Variants in ZKSCAN1 observed in about 807,000 individuals in gnomAD.
The protein encoded by ZKSCAN1 is zinc finger with KRAB and SCAN domains 1, also known as zinc finger protein with KRAB and SCAN domains 1.
A neutral mutation model predicts 51.6 loss-of-function variants in ZKSCAN1; 14 were observed. The observed-to-expected ratio is 0.27, with a 90% confidence interval of 0.18 to 0.42. The LOEUF (loss-of-function observed/expected upper bound fraction) is 0.42. ZKSCAN1 is among the 10% of genes least tolerant of loss of function. The probability of loss-of-function intolerance (pLI) is 1.00; values close to 1 mark genes in which losing one functional copy is unlikely to be tolerated. For synonymous variants in ZKSCAN1, 263 were observed against 261.5 expected, an observed-to-expected ratio of 1.01 and a Z score of -0.06; for missense variants, 531 against 710.0, an observed-to-expected ratio of 0.75 and a Z score of 2.86.
chr7:100,034,351 C>T lies in ZKSCAN1; in HGVS notation c.*154C>T, dbSNP rs1024128522. The T allele has an allele frequency of 3.6e-6, 5 of 1,399,508 alleles. No homozygotes were observed. Among genetic ancestry groups the T allele is most frequent in the Non-Finnish European group, 4.6e-6 (5 of 1,085,756 alleles). The allele number at this position is 1,399,508 out of a possible 1,614,324, so 86.7% of individuals were successfully genotyped here. On this transcript the variant is annotated 3_prime_UTR_variant, in exon 6 of 6. Transcript: ENST00000324306. ...TTCTAGTCACATCAGCAGTGTTCTG[C>T]CTTTATGTAGTAGTTGGGCATATAA... is the stretch of plus-strand genomic sequence containing the variant.
At chr7:100,021,116 C>CTTT (rs60632908) in intron 1 of ZKSCAN1, among the ~76,000 whole-genome samples, 2,388 of 85,424 alleles carry the variant, frequency 0.028, 61 homozygotes, top group East Asian at 0.13. Context: ...TTTTTTTTTC[C>CTTT]TTTTTTTTTT....
At position 100,039,253 on chromosome 7, in the gene ZKSCAN1, A is replaced by C; in HGVS notation, c.*5056A>C. 18 of 912,142 alleles carry C rather than the reference A, an allele frequency of 2.0e-5. No individual in the cohort carries two copies. The highest frequency in any genetic ancestry group is 2.4e-5 in the Non-Finnish European group (18 of 763,408). The allele number at this position is 912,142 out of a possible 1,614,324, so 56.5% of individuals were successfully genotyped here. ...CCTAAATCTGGGAGGCAGAGGTTGC[A>C]GTGAGCCGAGATTGCACCACTGCAC... On this transcript the variant is annotated 3_prime_UTR_variant, in exon 6 of 6. Transcript: ENST00000324306.
intron 4 of ZKSCAN1, 143 bp from the exon 5 acceptor site, chr7:100,030,106 C>A: frequency 7.1e-7 from 1 of 1,415,950 alleles, no homozygotes; most frequent in Non-Finnish European, 9.7e-7. Flanking sequence ...CCACAAACTC[C>A]CCTCCACCCC....
chr7:100,038,079 A>G lies in ZKSCAN1; in HGVS notation c.*3882A>G. On this transcript the variant is annotated 3_prime_UTR_variant, in exon 6 of 6. Transcript: ENST00000324306. ...TAACTGCAGAGGATCTACAGATGAA[A>G]AAAAATGTGGGGAAATGCTTTAAAA... The G allele has an allele frequency of 2.0e-6, 2 of 985,404 alleles. No homozygotes were observed. Among genetic ancestry groups the G allele is most frequent in the Non-Finnish European group, 2.4e-6 (2 of 829,926 alleles). 61.0% of individuals were successfully genotyped at this position (985,404 alleles called of 1,614,324 possible). A position where few individuals can be genotyped will look rare whatever the true frequency, so the allele number is the denominator to read the frequency against.
downstream of ZKSCAN1, among the ~76,000 whole-genome samples, chr7:100,042,712 GTATGTGTA>G (rs1433603607): frequency 2.1e-5 from 3 of 145,722 alleles, no homozygotes; most frequent in East Asian, 2.0e-4. Context: ...ATACACATGT[GTATGTGTA>G]TATGTGTATA....
intron 4 of ZKSCAN1, 75 bp from the exon 5 acceptor site, chr7:100,030,174 C>T: frequency 6.4e-7 from 1 of 1,569,662 alleles, no homozygotes; most frequent in Non-Finnish European, 8.7e-7. Context: ...CACCTCTCTT[C>T]CTGACTCCAG....
At position 100,038,472 on chromosome 7, in the gene ZKSCAN1, T is replaced by G; in HGVS notation, c.*4275T>G. On this transcript the variant is annotated 3_prime_UTR_variant, in exon 6 of 6. Coordinates refer to ENST00000324306, the MANE Select transcript of ZKSCAN1 (RefSeq NM_003439.4). ...GGGCACTGAAATGGAACAACTCCTT[T>G]AAACGTGCAGCCTTTTGAATTTTTC... 3.0e-6 allele frequency: 3 copies of G among 985,468 alleles called. No homozygotes were observed. The highest frequency in any genetic ancestry group is 3.6e-6 in the Non-Finnish European group (3 of 829,944). 61.0% of individuals were successfully genotyped at this position (985,468 alleles called of 1,614,324 possible).
At chr7:100,016,210 A>G (rs1388987070) in intron 1 of ZKSCAN1, among the ~76,000 whole-genome samples, 1 of 152,152 alleles carries the variant, frequency 6.6e-6, no homozygotes, top group African/African-American at 2.4e-5. Flanking sequence ...GAGGTGCCGC[A>G]TACGTTTCCA....
intron 1 of ZKSCAN1, among the ~76,000 whole-genome samples, chr7:100,016,094 C>G (rs945318773): frequency 1.3e-5 from 2 of 152,202 alleles, no homozygotes; most frequent in Non-Finnish European, 2.9e-5. Context: ...TCTGCTCTCC[C>G]TTAGTCGCCA....
At chr7:100,043,362 C>T (rs1213976808), downstream of ZKSCAN1, among the ~76,000 whole-genome samples, 3 of 151,202 alleles carry the variant, frequency 2.0e-5, no homozygotes, top group Non-Finnish European at 4.4e-5. Flanking sequence ...CCACTGTGCC[C>T]GACCCAGAAC....
chr7:100,040,093 T>C lies in ZKSCAN1; in HGVS notation c.*5896T>C. 1.1e-6 allele frequency: 1 copy of C among 930,872 alleles called. No homozygotes were observed. The allele number at this position is 930,872 out of a possible 1,614,324, so 57.7% of individuals were successfully genotyped here. A position where few individuals can be genotyped will look rare whatever the true frequency, so the allele number is the denominator to read the frequency against. ...ATCTGTTTTACTTTTCAAAGCTTTG[T>C]GAAACAAACTTGAAGTTATAGGGAG... On this transcript the variant is annotated 3_prime_UTR_variant, in exon 6 of 6. Coordinates refer to ENST00000324306, the MANE Select transcript of ZKSCAN1 (RefSeq NM_003439.4).
downstream of ZKSCAN1, among the ~76,000 whole-genome samples, chr7:100,043,540 T>A (rs533568710): frequency 7.3e-5 from 11 of 151,558 alleles, no homozygotes; most frequent in Non-Finnish European, 1.2e-4. Context: ...CGCCTAGATT[T>A]TTTTTTAATT....
downstream of ZKSCAN1, chr7:100,041,716 C>T: frequency 4.1e-6 from 4 of 985,246 alleles, no homozygotes; most frequent in South Asian, 1.4e-4. Context: ...GTTTTTTGTT[C>T]TTTGTTTTTC....
intron 3 of ZKSCAN1, among the ~76,000 whole-genome samples, chr7:100,025,184 C>G (rs1245459180): frequency 6.6e-6 from 1 of 151,720 alleles, no homozygotes; most frequent in African/African-American, 2.4e-5. Flanking sequence ...TATTTTCAGC[C>G]TAGGTTTTAA....
chr7:100,022,729 G>T (rs901187436), intron 1 of ZKSCAN1, among the ~76,000 whole-genome samples: 2 of 152,170 alleles, frequency 1.3e-5, no homozygotes, highest in Non-Finnish European at 2.9e-5. Context: ...TTGTAAAACA[G>T]CACTTAACAG....
intron 3 of ZKSCAN1, 31 bp downstream of exon 3, chr7:100,024,338 GA>G (rs1309227939): frequency 6.2e-7 from 1 of 1,611,142 alleles, no homozygotes; most frequent in Non-Finnish European, 8.5e-7. Context: ...TAGGGGAAGG[GA>G]AATGATTCAG....
intron 3 of ZKSCAN1, among the ~76,000 whole-genome samples, chr7:100,025,618 A>AT (rs1227317381): frequency 6.6e-6 from 1 of 152,198 alleles, no homozygotes; most frequent in Non-Finnish European, 1.5e-5. Flanking sequence ...ATGTTAAGTG[A>AT]TTTTGTTGTG....
At chr7:100,027,116 G>A (rs747286991) in intron 3 of ZKSCAN1, among the ~76,000 whole-genome samples, 1 of 152,060 alleles carries the variant, frequency 6.6e-6, no homozygotes. Context: ...GGCCAACATG[G>A]CGAAACGCCG....
At chr7:100,024,383 T>G in intron 3 of ZKSCAN1, 76 bp downstream of exon 3, 1 of 1,537,736 alleles carries the variant, frequency 6.5e-7, no homozygotes, top group Non-Finnish European at 8.8e-7. Flanking sequence ...GTGCCTGTGA[T>G]GAAGAAGCAT....
Sources: allele counts gnomAD v4.1 joint callset (sites outside exome capture counted in the v4.1 genomes callset), GRCh38; gene constraint gnomAD v4.1.1; transcripts MANE v1.5; gene names NCBI Gene and HGNC (gene_info 2026-07-23, HGNC 2026-07-21).